The following TRPC6 variants were observed in gnomAD, a reference collection of about 807,000 sequenced individuals.
The protein encoded by TRPC6 is short transient receptor potential channel 6.
A neutral mutation model predicts 90.7 loss-of-function variants in TRPC6; 55 were observed. That is an observed-to-expected ratio of 0.61 (90% CI 0.49 to 0.76). The LOEUF (loss-of-function observed/expected upper bound fraction) is 0.76, where lower values mean the gene tolerates loss of function less well. TRPC6 is among the 30% of genes least tolerant of loss of function. The pLI is 0.00. For synonymous variants in TRPC6, 393 were observed against 393.0 expected, an observed-to-expected ratio of 1.00 and a Z score of 0.00; for missense variants, 989 against 1,122.7, an observed-to-expected ratio of 0.88 and a Z score of 1.70.
intron 1 of TRPC6, among the ~76,000 whole-genome samples, chr11:101,512,897 T>C (rs1860427758): frequency 6.6e-6 from 1 of 151,794 alleles, no homozygotes; most frequent in African/African-American, 2.4e-5. Flanking sequence ...TTCCTCTGCA[T>C]AAGATAGATT....
chr11:101,523,722 G>C (rs1457117825), intron 1 of TRPC6, among the ~76,000 whole-genome samples: 1 of 152,056 alleles, frequency 6.6e-6, no homozygotes, highest in East Asian at 1.9e-4. Flanking sequence ...CCATTTCAGT[G>C]GTTCTACATT....
intron 1 of TRPC6, among the ~76,000 whole-genome samples, chr11:101,533,567 A>G (rs1168287122): frequency 6.6e-6 from 1 of 152,168 alleles, no homozygotes; most frequent in African/African-American, 2.4e-5. Context: ...TATGCAAACC[A>G]TATCAGAGTT....
intron 1 of TRPC6, among the ~76,000 whole-genome samples, chr11:101,536,814 C>T (rs1422559769): frequency 6.6e-6 from 1 of 152,132 alleles, no homozygotes; most frequent in African/African-American, 2.4e-5. Flanking sequence ...GTGATGCAAT[C>T]AGATCTGTTT....
At chr11:101,495,591 AATTATTATTATTATTATTATTATT>A (rs199580955) in intron 2 of TRPC6, among the ~76,000 whole-genome samples, 10 of 141,910 alleles carry the variant, frequency 7.0e-5, no homozygotes, top group African/African-American at 1.8e-4. Flanking sequence ...GATCAATGGT[AATTATTATTATTATTATTATTATT>A]ATTATTATTA....
chr11:101,474,867 T>A (rs1056492623), intron 6 of TRPC6, among the ~76,000 whole-genome samples: 1 of 152,198 alleles, frequency 6.6e-6, no homozygotes, highest in Non-Finnish European at 1.5e-5. Context: ...GAATGACTTA[T>A]CTGATTGCTA....
chr11:101,506,262 C>T (rs909865603), intron 1 of TRPC6, among the ~76,000 whole-genome samples: 1 of 147,274 alleles, frequency 6.8e-6, no homozygotes, highest in African/African-American at 2.7e-5. Context: ...TCTTTAAAAA[C>T]GGTCACAAAC....
chr11:101,511,659 T>G (rs1224093132), intron 1 of TRPC6, among the ~76,000 whole-genome samples: 1 of 152,160 alleles, frequency 6.6e-6, no homozygotes, highest in South Asian at 2.1e-4. Context: ...TCCTTGTGAC[T>G]TGTTCATGAT....
chr11:101,565,434 G>C (rs1861807125), intron 1 of TRPC6, among the ~76,000 whole-genome samples: 1 of 152,084 alleles, frequency 6.6e-6, no homozygotes, highest in Non-Finnish European at 1.5e-5. Context: ...CAGACTTGAA[G>C]TTTACACTGA....
At chr11:101,495,591 A>ATT (rs1859922507) in intron 2 of TRPC6, among the ~76,000 whole-genome samples, 1 of 141,910 alleles carries the variant, frequency 7.0e-6, no homozygotes, top group Non-Finnish European at 1.5e-5. Flanking sequence ...GATCAATGGT[A>ATT]ATTATTATTA....
chr11:101,462,920 A>T (rs11224771), intron 10 of TRPC6, among the ~76,000 whole-genome samples: 1 of 151,998 alleles, frequency 6.6e-6, no homozygotes, highest in African/African-American at 2.4e-5. Context: ...GTTTTTGCCC[A>T]TTCAGTATGA....
At chr11:101,529,026 T>C (rs1860848921) in intron 1 of TRPC6, among the ~76,000 whole-genome samples, 1 of 152,064 alleles carries the variant, frequency 6.6e-6, no homozygotes, top group Non-Finnish European at 1.5e-5. Context: ...GAACAACTCA[T>C]GAACTGAATG....
intron 1 of TRPC6, among the ~76,000 whole-genome samples, chr11:101,526,883 AAAAAAAAAAAAAAAAT>A (rs1860794190): frequency 2.1e-5 from 3 of 141,552 alleles, no homozygotes; most frequent in Non-Finnish European, 3.2e-5. Flanking sequence ...AAAAAAAAAA[AAAAAAAAAAAAAAAAT>A]TAAATAGTCT....
At chr11:101,539,431 C>T (rs10895134) in intron 1 of TRPC6, among the ~76,000 whole-genome samples, 36,447 of 152,136 alleles carry the variant, frequency 0.24, 4,514 homozygotes, top group Admixed American at 0.28. Context: ...GTTTCTCAGA[C>T]GCCACACTGA....
chr11:101,562,570 C>T (rs1861738433), intron 1 of TRPC6, among the ~76,000 whole-genome samples: 1 of 152,134 alleles, frequency 6.6e-6, no homozygotes, highest in African/African-American at 2.4e-5. Flanking sequence ...CTACAGACCT[C>T]ATACCAAAAA....
chr11:101,495,025 T>C (rs1859911251), intron 2 of TRPC6, among the ~76,000 whole-genome samples: 1 of 152,200 alleles, frequency 6.6e-6, no homozygotes, highest in South Asian at 2.1e-4. Flanking sequence ...TGCAGCTCTA[T>C]GATTTTGGTT....
At chr11:101,519,560 C>T (rs2136774501) in intron 1 of TRPC6, among the ~76,000 whole-genome samples, 1 of 152,152 alleles carries the variant, frequency 6.6e-6, no homozygotes, top group East Asian at 1.9e-4. Context: ...ATCTGCTTCA[C>T]CCATCTTGAT....
At chr11:101,463,675 T>G (rs968738014) in intron 10 of TRPC6, among the ~76,000 whole-genome samples, 4 of 152,244 alleles carry the variant, frequency 2.6e-5, no homozygotes, top group African/African-American at 9.6e-5. Flanking sequence ...CATTTTTTAT[T>G]GCATCTATTT....
intron 1 of TRPC6, among the ~76,000 whole-genome samples, chr11:101,515,465 T>C (rs1250372480): frequency 6.6e-6 from 1 of 152,240 alleles, no homozygotes; most frequent in East Asian, 1.9e-4. Context: ...TTCTTACCTA[T>C]ATTCTTTAAA....
Position 101,559,809 on chromosome 11 carries a change from G to A in TRPC6, c.170+23525C>T, listed in dbSNP as rs1440457227. Among the ~76,000 whole-genome samples the A allele has an allele frequency of 3.7e-5, 4 of 107,972 alleles. No individual in the cohort carries two copies. In the South Asian group the frequency reaches 8.7e-4, roughly 24 times the overall value. 70.8% of individuals were successfully genotyped at this position (107,972 alleles called of 152,430 possible). On this transcript the variant is annotated intron_variant, in intron 1 of 12. Transcript: ENST00000344327. Reference sequence around the variant, plus strand: ...CTCCCCCCACCCCACAACAGGCCCCGGTGTGTGATGTTCCCCTTCCTGTGT... The same window carrying A: ...CTCCCCCCACCCCACAACAGGCCCCAGTGTGTGATGTTCCCCTTCCTGTGT...
Sources: gnomAD v4.1 joint callset for allele counts (sites outside exome capture counted in the v4.1 genomes callset) on GRCh38, gnomAD v4.1.1 for gene constraint, MANE v1.5 for transcripts, NCBI Gene and HGNC (gene_info 2026-07-23, HGNC 2026-07-21) for gene names.